Variants in BACE1 observed in about 807,000 individuals in gnomAD.
The protein encoded by BACE1 is beta-secretase 1.
Under a neutral mutation model 54.0 loss-of-function variants are expected in BACE1, and 21 were observed. The ratio of observed to expected loss-of-function variants is 0.39; its 90% CI spans 0.28 to 0.56. The LOEUF (loss-of-function observed/expected upper bound fraction) is 0.56. Among genes scored for constraint, BACE1 ranks in the 20% least tolerant of loss-of-function variants. BACE1 has a pLI of 0.63. For missense variants in BACE1, 511 were observed against 661.2 expected, an observed-to-expected ratio of 0.77 and a Z score of 2.49; for synonymous variants, 232 against 260.9, an observed-to-expected ratio of 0.89 and a Z score of 1.07.
chr11:117,298,680 G>A (rs941680393), intron 1 of BACE1, among the ~76,000 whole-genome samples: 4 of 152,236 alleles, frequency 2.6e-5, no homozygotes, highest in Non-Finnish European at 5.9e-5. Flanking sequence ...CCTACTGTCA[G>A]AAATAGTGGG....
At chr11:117,314,403 G>A (rs1282524235) in intron 1 of BACE1, among the ~76,000 whole-genome samples, 4 of 152,150 alleles carry the variant, frequency 2.6e-5, no homozygotes, top group Non-Finnish European at 4.4e-5. Flanking sequence ...ATTGGGAGGT[G>A]GGGGTTTGTG....
At chr11:117,313,986 T>C (rs1333224210) in intron 1 of BACE1, among the ~76,000 whole-genome samples, 1 of 152,176 alleles carries the variant, frequency 6.6e-6, no homozygotes, top group Non-Finnish European at 1.5e-5. Flanking sequence ...AGAGAGGTTA[T>C]GCAATTTGCC....
chr11:117,297,091 C>A, intron 1 of BACE1, 130 bp from the exon 2 acceptor site: 1 of 684,422 alleles, frequency 1.5e-6, no homozygotes, highest in Non-Finnish European at 2.5e-6. Context: ...CGATGCAGGA[C>A]TGGTCCAGGC....
At chr11:117,297,929 G>C (rs1354030231) in intron 1 of BACE1, among the ~76,000 whole-genome samples, 1 of 152,164 alleles carries the variant, frequency 6.6e-6, no homozygotes, top group Admixed American at 6.5e-5. Context: ...TCTGACAGCC[G>C]ACTCAAAATA....
At chr11:117,291,868 T>A in intron 5 of BACE1, 55 bp from the exon 6 acceptor site, 2 of 1,388,474 alleles carry the variant, frequency 1.4e-6, no homozygotes, top group Non-Finnish European at 2.0e-6. Flanking sequence ...TGCTGGGCTC[T>A]GGGCAGTAGG....
At chr11:117,292,843 A>G (rs2034483070) in intron 5 of BACE1, 3 of 537,694 alleles carry the variant, frequency 5.6e-6, no homozygotes, top group African/African-American at 1.9e-5. Flanking sequence ...AACTAGTTCC[A>G]TGTTTTTTTT....
intron 1 of BACE1, chr11:117,299,619 C>A: frequency 2.6e-6 from 1 of 377,952 alleles, no homozygotes; most frequent in Non-Finnish European, 5.2e-6. Flanking sequence ...GCCTGGTTTC[C>A]ATTCCCCTCC....
At position 117,291,711 on chromosome 11, in the gene BACE1, C is replaced by T. The variant is rs147542312; in HGVS notation, c.942+1G>A. ...TTTACCCCCATCCTTAGTCCACTCA[C>T]GGAGGAGGCTGCCTTGATGGATTTG... On this transcript the variant is annotated splice_donor_variant, in intron 6 of 8. Transcript: ENST00000313005. LOFTEE classifies it high-confidence loss of function. 4.3e-5 allele frequency: 70 copies of T among 1,609,444 alleles called. No homozygotes were observed. The highest frequency in any genetic ancestry group is 3.3e-4 in the Middle Eastern group (2 of 6,072).
chr11:117,299,587 C>G, intron 1 of BACE1: 1 of 348,750 alleles, frequency 2.9e-6, no homozygotes, highest in Non-Finnish European at 5.6e-6. Flanking sequence ...TCTCCTCCCT[C>G]CTTCCCAGCC....
In BACE1 at chr11:117,287,305, A is replaced by G. The variant is rs12288248; in HGVS notation, c.*2261T>C. On this transcript the variant is annotated 3_prime_UTR_variant, in exon 9 of 9. Transcript: ENST00000313005. ...TTCTCCCTCTGTCCACTGGCCTGCA[A>G]TGATAAAAGACATGCAGACCAATGG... 1.3e-4 allele frequency: 20 copies of G among 152,628 alleles called. No individual in the cohort carries two copies. The highest frequency in any genetic ancestry group is 4.8e-4 in the African/African-American group (20 of 41,442). 9.5% of individuals were successfully genotyped at this position (152,628 alleles called of 1,614,324 possible). A position where few individuals can be genotyped will look rare whatever the true frequency, so the allele number is the denominator to read the frequency against.
intron 1 of BACE1, among the ~76,000 whole-genome samples, chr11:117,308,281 T>TTTTCCTAATCATTTTTCTCC (rs2034874890): frequency 6.6e-6 from 1 of 152,212 alleles, no homozygotes; most frequent in Admixed American, 6.5e-5. Flanking sequence ...CCTAATATTC[T>TTTTCCTAATCATTTTTCTCC]TTTCCTAATC....
intron 1 of BACE1, among the ~76,000 whole-genome samples, chr11:117,313,349 A>G (rs2134501522): frequency 6.6e-6 from 1 of 152,200 alleles, no homozygotes; most frequent in South Asian, 2.1e-4. Context: ...TTGAGCAATT[A>G]CTCTCTGCTA....
chr11:117,294,105 G>A, intron 3 of BACE1, 97 bp from the exon 4 acceptor site: 1 of 1,422,560 alleles, frequency 7.0e-7, no homozygotes, highest in Non-Finnish European at 9.5e-7. Context: ...AAGGCTTGGG[G>A]GATGCTCCTT....
chr11:117,316,238 G>C lies in BACE1; in HGVS notation c.-443C>G, dbSNP rs1303656028. ...CGGCTCGCAGCTCCCGGGCGGGCTG[G>C]GGAGGCGGAAAGACTTGTGGCGGCG... On this transcript the variant is annotated 5_prime_UTR_variant, in exon 1 of 9. Transcript: ENST00000313005. 8 of 440,010 alleles carry C rather than the reference G, an allele frequency of 1.8e-5. No individual in the cohort carries two copies. Among genetic ancestry groups the C allele is most frequent in the African/African-American group, 1.6e-4 (8 of 48,872 alleles). 27.3% of individuals were successfully genotyped at this position (440,010 alleles called of 1,614,324 possible). A position where few individuals can be genotyped will look rare whatever the true frequency, so the allele number is the denominator to read the frequency against.
chr11:117,315,453 AGG>A lies in BACE1; in HGVS notation c.261+80_261+81del, dbSNP rs1346924013. The A allele has an allele frequency of 6.6e-7, 1 of 1,507,258 alleles. No individual in the cohort carries two copies. Among genetic ancestry groups the A allele is most frequent in the South Asian group, 1.3e-5 (1 of 76,530 alleles). The allele number at this position is 1,507,258 out of a possible 1,614,324, so 93.4% of individuals were successfully genotyped here. ...GCTGTCCCCACCAGCCCATTTGAGC[AGG>A]GGCTAGCTTGAGGCATCCCCATCCT... is the stretch of plus-strand genomic sequence containing the variant. On this transcript the variant is annotated intron_variant, in intron 1 of 8. Coordinates refer to ENST00000313005, the MANE Select transcript of BACE1 (RefSeq NM_012104.6). This position sits in a 1 kb window ranked among gnomAD's most constrained non-coding sequence, Gnocchi z 5.5.
chr11:117,304,699 C>T (rs2034792890), intron 1 of BACE1, among the ~76,000 whole-genome samples: 1 of 152,152 alleles, frequency 6.6e-6, no homozygotes, highest in South Asian at 2.1e-4. Context: ...GTCCTGACGC[C>T]CAGATAAGAT....
At chr11:117,300,547 T>C (rs1190375738) in intron 1 of BACE1, among the ~76,000 whole-genome samples, 1 of 152,130 alleles carries the variant, frequency 6.6e-6, no homozygotes, top group Non-Finnish European at 1.5e-5. Flanking sequence ...CAGGGCGGCC[T>C]GGGCAGAGGC....
intron 8 of BACE1, 98 bp downstream of exon 8, chr11:117,290,390 C>T (rs2034387885): frequency 2.8e-6 from 4 of 1,442,688 alleles, no homozygotes; most frequent in Non-Finnish European, 3.7e-6. Flanking sequence ...CTGTTACTAC[C>T]CTCCCCTAAA....
intron 1 of BACE1, among the ~76,000 whole-genome samples, chr11:117,308,287 T>C (rs551662): frequency 0.063 from 9,639 of 152,300 alleles, 462 homozygotes; most frequent in Non-Finnish European, 0.093. Context: ...ATTCTTTTCC[T>C]AATCATTTTT....
Sources: gnomAD v4.1 joint callset for allele counts (sites outside exome capture counted in the v4.1 genomes callset) on GRCh38, gnomAD v4.1.1 for gene constraint, Gnocchi (gnomAD v3.1) non-coding constraint, MANE v1.5 for transcripts, NCBI Gene and HGNC (gene_info 2026-07-23, HGNC 2026-07-21) for gene names.